The following CTNNA2 variants were observed in gnomAD, a reference collection of about 807,000 sequenced individuals.
CTNNA2 encodes the protein catenin alpha-2.
A neutral mutation model predicts 101.0 loss-of-function variants in CTNNA2; 42 were observed. The observed-to-expected ratio is 0.42, with a 90% confidence interval of 0.32 to 0.54. The LOEUF (loss-of-function observed/expected upper bound fraction) is 0.54, where lower values mean the gene tolerates loss of function less well. Among genes scored for constraint, CTNNA2 ranks in the 20% least tolerant of loss-of-function variants. The probability of loss-of-function intolerance (pLI) is 0.14; values close to 1 mark genes in which losing one functional copy is unlikely to be tolerated. For synonymous variants in CTNNA2, 450 were observed against 456.4 expected (o/e 0.99, Z 0.18); for missense variants, 871 against 1,223.1 (o/e 0.71, Z 4.29).
chr2:80,050,783 G>A (rs957502142), intron 7 of CTNNA2, among the ~76,000 whole-genome samples: 1 of 152,114 alleles, frequency 6.6e-6, no homozygotes, highest in African/African-American at 2.4e-5. Flanking sequence ...TCACTGCAGC[G>A]TCAACTTCCA....
intron 3 of CTNNA2, among the ~76,000 whole-genome samples, chr2:79,744,840 C>A (rs1671531475): frequency 6.6e-6 from 1 of 152,112 alleles, no homozygotes; most frequent in African/African-American, 2.4e-5. Flanking sequence ...TCAATGTAAA[C>A]AGACTTTGTG....
At chr2:79,222,319 C>T (rs1348469454) in intron 2 of CTNNA2, among the ~76,000 whole-genome samples, 1 of 152,202 alleles carries the variant, frequency 6.6e-6, no homozygotes, top group Non-Finnish European at 1.5e-5. Context: ...CAGTTTATGA[C>T]CCTTGACTGA....
At chr2:80,050,352 T>C (rs77571815) in intron 7 of CTNNA2, among the ~76,000 whole-genome samples, 4,305 of 152,258 alleles carry the variant, frequency 0.028, 219 homozygotes, top group African/African-American at 0.098. Context: ...TCCTTCCTTT[T>C]TCTTAGAGAC....
At chr2:79,527,964 T>C (rs1010585121) in intron 1 of CTNNA2, among the ~76,000 whole-genome samples, 2 of 152,146 alleles carry the variant, frequency 1.3e-5, no homozygotes, top group Admixed American at 6.6e-5. Flanking sequence ...ATTTATACAA[T>C]GGGATAATAT....
At chr2:79,609,405 A>G (rs747801491) in intron 1 of CTNNA2, among the ~76,000 whole-genome samples, 25 of 152,056 alleles carry the variant, frequency 1.6e-4, no homozygotes, top group Non-Finnish European at 3.1e-4. Flanking sequence ...TGCAATCTCA[A>G]TCAAAATTCC....
intron 7 of CTNNA2, among the ~76,000 whole-genome samples, chr2:80,051,390 C>T (rs1251331485): frequency 6.6e-6 from 1 of 152,124 alleles, no homozygotes; most frequent in Non-Finnish European, 1.5e-5. Flanking sequence ...GGTTTCTAAA[C>T]ACATGTAGAT....
chr2:79,727,478 A>G (rs1442442687), intron 2 of CTNNA2, among the ~76,000 whole-genome samples: 1 of 152,154 alleles, frequency 6.6e-6, no homozygotes, highest in Non-Finnish European at 1.5e-5. Context: ...CTTAATTTTG[A>G]CGTAAAAATT....
chr2:80,361,049 T>C (rs1370835875), intron 7 of CTNNA2, among the ~76,000 whole-genome samples: 3 of 152,050 alleles, frequency 2.0e-5, no homozygotes, highest in Non-Finnish European at 4.4e-5. Context: ...TCCTCACATT[T>C]TTTTCTCCCA....
At chr2:79,782,967 T>G (rs1674564398) in intron 3 of CTNNA2, among the ~76,000 whole-genome samples, 1 of 51,626 alleles carries the variant, frequency 1.9e-5, no homozygotes, top group African/African-American at 4.1e-4. Flanking sequence ...CTTGACAGTC[T>G]TTTTTTTTTT....
intron 15 of CTNNA2, among the ~76,000 whole-genome samples, chr2:80,595,723 A>G (rs1303291682): frequency 1.3e-5 from 2 of 152,036 alleles, no homozygotes; most frequent in African/African-American, 2.4e-5. Flanking sequence ...GTTGGTGTAT[A>G]TGTGTGTTTT....
chr2:80,352,247 G>C (rs891992517), intron 7 of CTNNA2, among the ~76,000 whole-genome samples: 2 of 152,088 alleles, frequency 1.3e-5, no homozygotes, highest in Non-Finnish European at 2.9e-5. Flanking sequence ...TTTGCATGCT[G>C]ATAACAATAA....
chr2:79,982,438 A>C (rs1182385216), intron 7 of CTNNA2, among the ~76,000 whole-genome samples: 1 of 148,074 alleles, frequency 6.8e-6, no homozygotes, highest in Non-Finnish European at 1.5e-5. Flanking sequence ...TATAACATAT[A>C]TATAACAGAA....
chr2:80,555,389 A>G (rs1252975029), intron 11 of CTNNA2, among the ~76,000 whole-genome samples: 3 of 152,220 alleles, frequency 2.0e-5, no homozygotes, highest in African/African-American at 7.2e-5. Flanking sequence ...AACCAGTGGC[A>G]TTAGCATCAC....
intron 7 of CTNNA2, among the ~76,000 whole-genome samples, chr2:80,167,684 C>T (rs1275147848): frequency 6.6e-6 from 1 of 152,182 alleles, no homozygotes; most frequent in Non-Finnish European, 1.5e-5. Flanking sequence ...AAGATAACTA[C>T]AGTCAGATAT....
chr2:79,445,629 C>G (rs1239665488), intron 4 of CTNNA2, among the ~76,000 whole-genome samples: 2 of 152,102 alleles, frequency 1.3e-5, no homozygotes, highest in South Asian at 4.1e-4. Flanking sequence ...ATTAGTGGTT[C>G]TAAGCTATTA....
rs138655349 is a variant in CTNNA2, at chr2:79,355,268, C to T, written c.-317-18563C>T. ...TGTTTTCTAATTCTGTGAAAAATGA[C>T]GTTGGTGATTTGATAGGGAATACAT... On this transcript the variant is annotated intron_variant, in intron 3 of 21. Transcript: ENST00000466387. Among the ~76,000 whole-genome samples, 1,030 of 152,160 alleles carry T rather than the reference C, an allele frequency of 6.8e-3. 7 individuals are homozygous for T. Among genetic ancestry groups the T allele is most frequent in the Non-Finnish European group, 8.1e-3 (554 of 67,990 alleles).
At chr2:79,294,214 G>GGAAGAA (rs755348814) in intron 2 of CTNNA2, among the ~76,000 whole-genome samples, 67 of 147,540 alleles carry the variant, frequency 4.5e-4, no homozygotes, top group African/African-American at 1.5e-3. Flanking sequence ...AAGAAGAAGA[G>GGAAGAA]GAAGAAGAAG....
chr2:80,074,529 G>T (rs1698555302), intron 7 of CTNNA2, among the ~76,000 whole-genome samples: 1 of 152,150 alleles, frequency 6.6e-6, no homozygotes, highest in East Asian at 1.9e-4. Context: ...GTATGCGTGT[G>T]TGGGGTGAAA....
At chr2:79,704,790 T>C (rs1034743260) in intron 2 of CTNNA2, among the ~76,000 whole-genome samples, 3 of 152,104 alleles carry the variant, frequency 2.0e-5, no homozygotes, top group African/African-American at 4.8e-5. Context: ...TCACTTGTGC[T>C]TCTTTAAAAT....
Sources: gnomAD v4.1 joint callset for allele counts (sites outside exome capture counted in the v4.1 genomes callset) on GRCh38, gnomAD v4.1.1 for gene constraint, MANE v1.5 for transcripts, NCBI Gene and HGNC (gene_info 2026-07-23, HGNC 2026-07-21) for gene names.